Variants in POLR3G observed in about 807,000 individuals in gnomAD.
POLR3G encodes the protein RNA polymerase III subunit G.
In POLR3G, 28 loss-of-function variants were observed where a neutral mutation model predicts 30.1. The observed-to-expected ratio is 0.93, with a 90% CI of 0.69 to 1.27. The LOEUF (loss-of-function observed/expected upper bound fraction) is 1.27, where lower values mean the gene tolerates loss of function less well. Ranked by LOEUF, POLR3G falls within the 50% of genes most tolerant of loss-of-function variation. The probability of loss-of-function intolerance (pLI) is 0.00; values close to 1 mark genes in which losing one functional copy is unlikely to be tolerated. For missense variants in POLR3G, 254 were observed against 264.6 expected (o/e 0.96, Z 0.28); for synonymous variants, 79 against 82.5 (o/e 0.96, Z 0.23).
chr5:90,488,042 G>A lies in POLR3G; in HGVS notation c.160G>A (p.Glu54Lys). Residue 54 changes from glutamate (E) to lysine (K), a missense_variant, in exon 3 of 8, where the codon GAA becomes AAA. Coordinates refer to ENST00000651687, the MANE Select transcript of POLR3G (RefSeq NM_006467.3). ...AGTGCCACTGAAAACAGGAGAAGGT[G>A]AAGAATATATGCTGGCTTTGAAACA... ...KPVPLKTGEG[E>K]EYMLALKQEL... The A allele has an allele frequency of 1.2e-6, 2 of 1,610,866 alleles. No individual in the cohort carries two copies. Among genetic ancestry groups the A allele is most frequent in the Non-Finnish European group, 1.7e-6 (2 of 1,178,754 alleles).
chr5:90,508,768 A>G (rs1478178405), intron 7 of POLR3G, among the ~76,000 whole-genome samples: 1 of 152,160 alleles, frequency 6.6e-6, no homozygotes, highest in African/African-American at 2.4e-5. Flanking sequence ...CTCTATTATT[A>G]AAATATTATT....
Position 90,497,659 on chromosome 5 carries a change from G to A in POLR3G, c.308G>A (p.Trp103Ter). The A allele has an allele frequency of 6.2e-7, 1 of 1,600,072 alleles. No individual in the cohort carries two copies. The highest frequency in any genetic ancestry group is 1.7e-4 in the Middle Eastern group (1 of 6,004). The change falls in exon 5 of 8, where the codon TGG becomes TAG. Residue 103 changes from tryptophan to a stop codon, truncating the protein, a stop_gained. Transcript: ENST00000651687. LOFTEE classifies it high-confidence loss of function. ...TTATTTTTTATTTTATGTACAGATTGGAGAAGACTTCCAAGAGAGATGATG... is the reference window on the plus strand; with the variant it reads ...TTATTTTTTATTTTATGTACAGATTAGAGAAGACTTCCAAGAGAGATGATG... The part of the protein sequence containing the change: ...KVYKEEWIPD[W>*]RRLPREMMPR...
intron 1 of POLR3G, among the ~76,000 whole-genome samples, chr5:90,479,491 A>C (rs1250864669): frequency 6.6e-6 from 1 of 152,142 alleles, no homozygotes; most frequent in Non-Finnish European, 1.5e-5. Context: ...ACAAACAAAC[A>C]ACAAACGAAA....
In POLR3G at chr5:90,495,671, C is replaced by G. The variant is rs1038077275; in HGVS notation, c.248-6C>G. 5.0e-6 allele frequency: 8 copies of G among 1,599,444 alleles called. No homozygotes were observed. In the East Asian group the frequency reaches 9.1e-5, roughly 18 times the overall value. On this transcript the variant is annotated splice_polypyrimidine_tract_variant and splice_region_variant and intron_variant, in intron 3 of 7. Coordinates refer to ENST00000651687, the MANE Select transcript of POLR3G (RefSeq NM_006467.3). ...CTAATGAGTTCTTTATTCTTTTTTC[C>G]CCTAGATATTGAAAGGTATAGTAAA...
At chr5:90,507,599 T>C (rs751235238) in intron 7 of POLR3G, among the ~76,000 whole-genome samples, 61 of 152,318 alleles carry the variant, frequency 4.0e-4, no homozygotes, top group Middle Eastern at 3.4e-3. Context: ...CTCTGTTCCA[T>C]TGATCTATTT....
chr5:90,510,645 C>G (rs1476381079), intron 7 of POLR3G, among the ~76,000 whole-genome samples: 2 of 152,104 alleles, frequency 1.3e-5, no homozygotes, highest in African/African-American at 2.4e-5. Flanking sequence ...ACACAGGCCC[C>G]AAGCTTCACC....
chr5:90,474,601 G>A (rs888609840), upstream of POLR3G: 5 of 404,854 alleles, frequency 1.2e-5, no homozygotes, highest in Admixed American at 4.3e-5. Flanking sequence ...CTTTAACGCA[G>A]GGGCCACTGC....
chr5:90,478,569 C>CTT (rs773881344), intron 1 of POLR3G, among the ~76,000 whole-genome samples: 10 of 79,330 alleles, frequency 1.3e-4, no homozygotes, highest in South Asian at 4.5e-4. Flanking sequence ...CTGCGTGGTT[C>CTT]TTTTTTTTTT....
intron 1 of POLR3G, among the ~76,000 whole-genome samples, chr5:90,476,236 A>G (rs1750810091): frequency 2.0e-5 from 3 of 152,158 alleles, no homozygotes; most frequent in Non-Finnish European, 4.4e-5. Context: ...TACTTTGCTA[A>G]TCTTCACAGA....
intron 1 of POLR3G, among the ~76,000 whole-genome samples, chr5:90,479,773 G>T (rs992248910): frequency 3.3e-5 from 5 of 152,130 alleles, no homozygotes; most frequent in African/African-American, 1.2e-4. Flanking sequence ...TGGTATTCAA[G>T]ACATGACTAT....
intron 3 of POLR3G, chr5:90,490,560 GCTAA>G (rs1366567852): frequency 2.0e-5 from 8 of 399,148 alleles, no homozygotes; most frequent in African/African-American, 4.3e-5. Context: ...ACCATGCCCG[GCTAA>G]CTTTTAATTT....
chr5:90,505,575 A>G (rs972791709), intron 6 of POLR3G, among the ~76,000 whole-genome samples: 3 of 152,216 alleles, frequency 2.0e-5, no homozygotes, highest in African/African-American at 4.8e-5. Context: ...CTAACTCTGC[A>G]TCTCTCTTTT....
chr5:90,488,114 C>T lies in POLR3G; in HGVS notation c.232C>T (p.Pro78Ser). The change falls in exon 3 of 8, where the codon CCT (proline) becomes TCT (serine). Residue 78 changes from proline (P) to serine (S), a missense_variant. Pro to Ser is a moderately conservative substitution (Grantham distance 74). Transcript: ENST00000651687. ...MKRMPYFIET[P>S]EERQDIERYS... ...AAGAATGCCTTATTTTATTGAAACA[C>T]CTGAAGAAAGACAAGGTACTGTATT... The T allele has an allele frequency of 2.5e-6, 4 of 1,609,292 alleles. No individual in the cohort carries two copies. The highest frequency in any genetic ancestry group is 3.4e-6 in the Non-Finnish European group (4 of 1,178,048).
At chr5:90,485,182 A>C (rs1751374169) in intron 1 of POLR3G, among the ~76,000 whole-genome samples, 1 of 152,226 alleles carries the variant, frequency 6.6e-6, no homozygotes, top group Non-Finnish European at 1.5e-5. Flanking sequence ...TTGACATGAA[A>C]GATTTCTTCT....
chr5:90,500,747 T>C (rs1752207233), intron 5 of POLR3G, among the ~76,000 whole-genome samples: 1 of 152,148 alleles, frequency 6.6e-6, no homozygotes, highest in South Asian at 2.1e-4. Flanking sequence ...ATTCCATCAG[T>C]TATGGGTCAT....
rs1176371426 is a variant in POLR3G at position 90,506,648 on chromosome 5, G to A, written c.559G>A (p.Glu187Lys). ...DDDDDAAEQE[E>K]YDEEEQEEEN... ...TGACGATGATGCCGCAGAACAGGAGGAATATGATGAAGAAGAGCAAGAAGA... is the reference window on the plus strand; with the variant it reads ...TGACGATGATGCCGCAGAACAGGAGAAATATGATGAAGAAGAGCAAGAAGA... Residue 187 changes from glutamate (E) to lysine (K), a missense_variant, in exon 7 of 8, where the codon GAA (glutamate) becomes AAA (lysine). Physicochemically the swap from Glu to Lys is moderately conservative, Grantham distance 56. Transcript: ENST00000651687. 19 of 1,609,970 alleles carry A rather than the reference G, an allele frequency of 1.2e-5. No homozygotes were observed. The highest frequency in any genetic ancestry group is 1.5e-5 in the Non-Finnish European group (18 of 1,178,370).
intron 7 of POLR3G, among the ~76,000 whole-genome samples, chr5:90,507,953 C>T (rs1413522213): frequency 6.6e-6 from 1 of 152,058 alleles, no homozygotes; most frequent in Non-Finnish European, 1.5e-5. Flanking sequence ...CCTTCATCTT[C>T]TTTTTTGCCA....
chr5:90,488,525 A>G (rs1751565371), intron 3 of POLR3G, among the ~76,000 whole-genome samples: 1 of 152,130 alleles, frequency 6.6e-6, no homozygotes, highest in Non-Finnish European at 1.5e-5. Flanking sequence ...TCAGTAGCAT[A>G]TTAGCATTTT....
intron 3 of POLR3G, among the ~76,000 whole-genome samples, chr5:90,488,331 T>A (rs250374): frequency 0.68 from 103,144 of 152,014 alleles, 35,502 homozygotes; most frequent in African/African-American, 0.79. Context: ...TATCTTTCAT[T>A]ATAATTTTAT....
Sources: allele counts gnomAD v4.1 joint callset (sites outside exome capture counted in the v4.1 genomes callset), GRCh38; gene constraint gnomAD v4.1.1; transcripts MANE v1.5; gene names NCBI Gene and HGNC (gene_info 2026-07-23, HGNC 2026-07-21).